Variants in PCDHGA1 observed in about 807,000 individuals in gnomAD.
The protein encoded by PCDHGA1 is protocadherin gamma-A1.
A neutral mutation model predicts 58.0 loss-of-function variants in PCDHGA1; 32 were observed. That is an observed-to-expected ratio of 0.55 (90% CI 0.42 to 0.74). The LOEUF (loss-of-function observed/expected upper bound fraction) is 0.74. PCDHGA1 is among the 30% of genes least tolerant of loss of function. The pLI is 0.00. For missense variants in PCDHGA1, 1,205 were observed against 1,182.3 expected (o/e 1.02, Z -0.28); for synonymous variants, 498 against 501.1 (o/e 0.99, Z 0.08).
rs769801850 is a variant in PCDHGA1 at position 141,371,052 on chromosome 5, C to G, written c.2421+37947C>G. On this transcript the variant is annotated intron_variant, in intron 1 of 3. Coordinates refer to ENST00000517417, the MANE Select transcript of PCDHGA1 (RefSeq NM_018912.3). The stretch of plus-strand genomic sequence containing the variant: ...CCTCACAGCTGTGGATGGGGGCGAG[C>G]CCTCCAGAAGCTGTACCACCCAGAT... 6.0e-5 allele frequency: 97 copies of G among 1,613,842 alleles called. No individual in the cohort carries two copies. The South Asian group carries it at 1.1e-3, about 18-fold the overall frequency.
At chr5:141,466,510 AT>A (rs1222513096) in intron 1 of PCDHGA1, among the ~76,000 whole-genome samples, 1 of 151,938 alleles carries the variant, frequency 6.6e-6, no homozygotes, top group Non-Finnish European at 1.5e-5. Context: ...AGACAAGATC[AT>A]TTTTTTTCCT....
In PCDHGA1 at chr5:141,485,610, C is replaced by A; in HGVS notation, c.2422-9197C>A. ...CTGGACTTGGAAATTGGGGAGGCAGCTCCTCCAGGACAGCGTTTCCCGTTG... is the reference window on the plus strand; with the variant it reads ...CTGGACTTGGAAATTGGGGAGGCAGATCCTCCAGGACAGCGTTTCCCGTTG... On this transcript the variant is annotated intron_variant, in intron 1 of 3. Coordinates refer to ENST00000517417, the MANE Select transcript of PCDHGA1 (RefSeq NM_018912.3). This position sits in a 1 kb window ranked among gnomAD's most constrained non-coding sequence, Gnocchi z 5.7. The A allele has an allele frequency of 1.2e-6, 2 of 1,612,076 alleles. No individual in the cohort carries two copies. The highest frequency in any genetic ancestry group is 1.7e-6 in the Non-Finnish European group (2 of 1,178,616).
chr5:141,448,621 T>C (rs2098597629), intron 1 of PCDHGA1, among the ~76,000 whole-genome samples: 1 of 152,168 alleles, frequency 6.6e-6, no homozygotes, highest in Admixed American at 6.5e-5. Flanking sequence ...TATATCTTCC[T>C]TTCTTCACAT....
chr5:141,398,826 C>G (rs755219133), intron 1 of PCDHGA1: 1 of 1,613,824 alleles, frequency 6.2e-7, no homozygotes, highest in South Asian at 1.1e-5. Flanking sequence ...TCCAGGTAAC[C>G]GACGCCAATG....
chr5:141,510,510 G>A (rs1042950478), intron 3 of PCDHGA1, among the ~76,000 whole-genome samples: 5 of 152,132 alleles, frequency 3.3e-5, no homozygotes, highest in Non-Finnish European at 5.9e-5. Context: ...CTGAGAGCCC[G>A]TGTCACAGCC....
chr5:141,371,219 C>T, intron 1 of PCDHGA1: 13 of 1,613,954 alleles, frequency 8.1e-6, no homozygotes, highest in Middle Eastern at 1.6e-4. Flanking sequence ...GCATCAATGC[C>T]GAAATCATCT....
chr5:141,412,569 T>C (rs1469611879), intron 1 of PCDHGA1: 3 of 152,228 alleles, frequency 2.0e-5, no homozygotes, highest in Admixed American at 6.5e-5. Flanking sequence ...GTTTATTTAA[T>C]ATAATCTTTG....
chr5:141,450,851 G>T (rs1184272833), intron 1 of PCDHGA1, among the ~76,000 whole-genome samples: 1 of 142,602 alleles, frequency 7.0e-6, no homozygotes, highest in Non-Finnish European at 1.5e-5. Context: ...TTGAGATGGG[G>T]TCTTGCTCTG....
chr5:141,387,560 C>A, intron 1 of PCDHGA1: 1 of 421,856 alleles, frequency 2.4e-6, no homozygotes, highest in East Asian at 3.8e-5. Context: ...CAGTTAGGCA[C>A]ACAATTATAA....
At chr5:141,382,720 T>G in intron 1 of PCDHGA1, 1 of 480,114 alleles carries the variant, frequency 2.1e-6, no homozygotes, top group Non-Finnish European at 3.5e-6. Flanking sequence ...AACCACCGAG[T>G]TTTACAGCAC....
chr5:141,389,560 G>T (rs1323439261), intron 1 of PCDHGA1: 5 of 1,613,224 alleles, frequency 3.1e-6, no homozygotes, highest in Non-Finnish European at 4.2e-6. Flanking sequence ...AATGCGCCAC[G>T]GGTGCTGTAC....
At chr5:141,380,956 A>G (rs1776884378) in intron 1 of PCDHGA1, among the ~76,000 whole-genome samples, 1 of 152,252 alleles carries the variant, frequency 6.6e-6, no homozygotes, top group African/African-American at 2.4e-5. Context: ...CAAGAAGTTC[A>G]AAAGTACTAT....
At position 141,432,480 on chromosome 5, in the gene PCDHGA1, G is replaced by C; in HGVS notation, c.2422-62327G>C. ...GCCCTCCCCACGGACGGTTCCACTGGCGTGGAGCTGGCTCCCCGCTCCGCA... is the reference window on the plus strand; with the variant it reads ...GCCCTCCCCACGGACGGTTCCACTGCCGTGGAGCTGGCTCCCCGCTCCGCA... On this transcript the variant is annotated intron_variant, in intron 1 of 3. Coordinates refer to ENST00000517417, the MANE Select transcript of PCDHGA1 (RefSeq NM_018912.3). The surrounding 1 kb of genome is among the most constrained non-coding windows in gnomAD (Gnocchi z 6.0). 6 of 1,614,180 alleles carry C rather than the reference G, an allele frequency of 3.7e-6. No homozygotes were observed. Among genetic ancestry groups the C allele is most frequent in the Non-Finnish European group, 5.1e-6 (6 of 1,180,044 alleles).
In PCDHGA1 at chr5:141,432,896, G is replaced by A. The variant is rs2097547014; in HGVS notation, c.2422-61911G>A. On this transcript the variant is annotated intron_variant, in intron 1 of 3. Transcript: ENST00000517417. This position sits in a 1 kb window ranked among gnomAD's most constrained non-coding sequence, Gnocchi z 6.0. ...CCTGGCCTTCGTCATCTTGCTGCTG[G>A]CGCTCAGGCTGCGGCGCTGGCACAA... is the stretch of plus-strand genomic sequence containing the variant. 6.2e-7 allele frequency: 1 copy of A among 1,614,056 alleles called. No homozygotes were observed. Among genetic ancestry groups the A allele is most frequent in the African/African-American group, 1.3e-5 (1 of 74,946 alleles).
At chr5:141,503,284 G>C (rs899456087) in intron 2 of PCDHGA1, among the ~76,000 whole-genome samples, 2 of 152,044 alleles carry the variant, frequency 1.3e-5, no homozygotes, top group African/African-American at 4.8e-5. Flanking sequence ...TCTGTGTCTG[G>C]TACATAGAAA....
At chr5:141,415,259 T>C (rs778452630) in intron 1 of PCDHGA1, 1 of 1,614,108 alleles carries the variant, frequency 6.2e-7, no homozygotes, top group Non-Finnish European at 8.5e-7. Flanking sequence ...GACCTCACTC[T>C]GTACCTGGTG....
At chr5:141,360,644 A>C (rs1761688095) in intron 1 of PCDHGA1, 1 of 1,613,994 alleles carries the variant, frequency 6.2e-7, no homozygotes, top group Non-Finnish European at 8.5e-7. Flanking sequence ...CTACAAAGAT[A>C]CCACCTTAAT....
chr5:141,494,996 C>A (rs2099758091), intron 2 of PCDHGA1, 131 bp downstream of exon 2: 2 of 1,539,742 alleles, frequency 1.3e-6, no homozygotes, highest in African/African-American at 1.4e-5. Context: ...CCAGGGAGGT[C>A]TTGGTGTGCG....
intron 1 of PCDHGA1, chr5:141,408,968 C>T (rs752629281): frequency 6.2e-7 from 1 of 1,613,702 alleles, no homozygotes; most frequent in Non-Finnish European, 8.5e-7. Context: ...TGAAAATCTG[C>T]CCCCTGGGTC....
Sources: allele counts gnomAD v4.1 joint callset (sites outside exome capture counted in the v4.1 genomes callset), GRCh38; gene constraint gnomAD v4.1.1; non-coding constraint Gnocchi (gnomAD v3.1); transcripts MANE v1.5; gene names NCBI Gene and HGNC (gene_info 2026-07-23, HGNC 2026-07-21).